The following DAPK2 variants were observed in gnomAD, a reference collection of about 807,000 sequenced individuals.
DAPK2 encodes the protein death associated protein kinase 2, also known as death-associated protein kinase 2.
DAPK2 carries 35 observed loss-of-function variants against 44.1 expected under a neutral mutation model. That is an observed-to-expected ratio of 0.79 (90% CI 0.61 to 1.05). DAPK2 has a LOEUF of 1.05. DAPK2 is among the 50% of genes least tolerant of loss of function. The pLI is 0.00. For synonymous variants in DAPK2, 174 were observed against 182.6 expected, an observed-to-expected ratio of 0.95 and a Z score of 0.38; for missense variants, 453 against 483.2, an observed-to-expected ratio of 0.94 and a Z score of 0.59.
intron 6 of DAPK2, among the ~76,000 whole-genome samples, chr15:63,926,528 C>G (rs529236048): frequency 6.6e-6 from 1 of 152,000 alleles, no homozygotes; most frequent in Non-Finnish European, 1.5e-5. Flanking sequence ...GAGAAGGAGA[C>G]GGAAAGGCCT....
At chr15:63,928,497 G>A (rs2079386970) in intron 6 of DAPK2, 4 of 152,278 alleles carry the variant, frequency 2.6e-5, no homozygotes, top group Admixed American at 2.6e-4. Flanking sequence ...AGGTTGGGAA[G>A]GGCTGATGGA....
intron 3 of DAPK2, among the ~76,000 whole-genome samples, chr15:63,950,885 C>T (rs1182738078): frequency 6.6e-6 from 1 of 152,162 alleles, no homozygotes; most frequent in Non-Finnish European, 1.5e-5. Flanking sequence ...TAGAAAGTTC[C>T]ACACACATTT....
chr15:64,021,638 CA>C (rs2079686362), intron 1 of DAPK2, among the ~76,000 whole-genome samples: 1 of 152,160 alleles, frequency 6.6e-6, no homozygotes, highest in African/African-American at 2.4e-5. Context: ...GCTTGAAATA[CA>C]GAATGAATCC....
intron 2 of DAPK2, among the ~76,000 whole-genome samples, chr15:63,975,609 T>C (rs1255040569): frequency 2.0e-5 from 3 of 151,464 alleles, no homozygotes; most frequent in Non-Finnish European, 4.4e-5. Flanking sequence ...CTTTTCTTTT[T>C]TTTTTTTGAG....
intron 1 of DAPK2, among the ~76,000 whole-genome samples, chr15:63,997,777 T>A (rs1473221893): frequency 6.6e-6 from 1 of 152,170 alleles, no homozygotes; most frequent in African/African-American, 2.4e-5. Flanking sequence ...GGGGCAGAGG[T>A]TAACCAGCAG....
intron 1 of DAPK2, among the ~76,000 whole-genome samples, chr15:64,036,338 C>CATATATATATATGTATATAT (rs2080205413): frequency 2.3e-5 from 1 of 42,960 alleles, no homozygotes; most frequent in East Asian, 1.2e-3. Flanking sequence ...TATATATATA[C>CATATATATATATGTATATAT]ATATATATAT....
rs540761225 is a variant in DAPK2, at chr15:63,923,717, G to C, written c.858+1099C>G. ...GGGCTGAGGAGCATCTCTCCTTCAGGGCTCCTTGGGCCTTCCCCATCCTTC... is the reference window on the plus strand; with the variant it reads ...GGGCTGAGGAGCATCTCTCCTTCAGCGCTCCTTGGGCCTTCCCCATCCTTC... On this transcript the variant is annotated intron_variant, in intron 8 of 10. Transcript: ENST00000261891. This position sits in a 1 kb window ranked among gnomAD's most constrained non-coding sequence, Gnocchi z 4.2. Among the ~76,000 whole-genome samples, 13 of 152,334 alleles carry C rather than the reference G, an allele frequency of 8.5e-5. No homozygotes were observed. The highest frequency in any genetic ancestry group is 2.9e-4 in the African/African-American group (12 of 41,584).
Position 63,939,311 on chromosome 15 carries a change from C to T in DAPK2, c.504G>A (p.Lys168=), listed in dbSNP as rs1478644173. 1.2e-6 allele frequency: 2 copies of T among 1,612,158 alleles called. No individual in the cohort carries two copies. Among genetic ancestry groups the T allele is most frequent in the East Asian group, 4.5e-5 (2 of 44,824 alleles). The change falls in exon 4 of 11, where the codon AAG becomes AAA. Residue 168 remains lysine, a synonymous_variant. Coordinates refer to ENST00000261891, the Ensembl canonical transcript of DAPK2. The surrounding 1 kb of genome is among the most constrained non-coding windows in gnomAD (Gnocchi z 4.3). ...CGTGAGCCAGACCAAAGTCAATCAGCTTGATGTGTGGAATGGGAATATTCT... is the reference window on the plus strand; with the variant it reads ...CGTGAGCCAGACCAAAGTCAATCAGTTTGATGTGTGGAATGGGAATATTCT...
At chr15:64,014,559 C>T (rs1017312176) in intron 1 of DAPK2, among the ~76,000 whole-genome samples, 2 of 152,196 alleles carry the variant, frequency 1.3e-5, no homozygotes, top group African/African-American at 4.8e-5. Flanking sequence ...CATGGTACTG[C>T]AGGGGGGCTT....
At chr15:63,930,648 C>G (rs1407064261) in intron 4 of DAPK2, among the ~76,000 whole-genome samples, 193 bp from the exon 6 acceptor site, 6 of 152,040 alleles carry the variant, frequency 3.9e-5, no homozygotes, top group Non-Finnish European at 8.8e-5. Flanking sequence ...TTTGTGCGTC[C>G]CCAAATTCAT....
intron 3 of DAPK2, among the ~76,000 whole-genome samples, chr15:63,941,512 T>C (rs1374817632): frequency 6.6e-6 from 1 of 152,192 alleles, no homozygotes; most frequent in African/African-American, 2.4e-5. Flanking sequence ...GAACTGATAG[T>C]GAATCTGGAC....
intron 3 of DAPK2, among the ~76,000 whole-genome samples, chr15:63,952,650 TTTTA>T (rs998804747): frequency 5.3e-4 from 80 of 151,146 alleles, no homozygotes; most frequent in African/African-American, 1.7e-3. Context: ...ATCTGTTTTT[TTTTA>T]TTTATTTTTT....
chr15:63,907,672 C>G (rs1032516273), exon 11 of DAPK2: 2 of 152,286 alleles, frequency 1.3e-5, no homozygotes, highest in Non-Finnish European at 2.9e-5. Flanking sequence ...TCCCCTGCCT[C>G]GGACTGCCAA....
chr15:63,979,234 C>A (rs559312815), intron 2 of DAPK2, among the ~76,000 whole-genome samples: 1 of 152,276 alleles, frequency 6.6e-6, no homozygotes, highest in East Asian at 1.9e-4. Flanking sequence ...ATATTCTATA[C>A]CCCATACAGA....
chr15:63,919,933 C>T (rs1185156803), intron 8 of DAPK2: 1 of 152,220 alleles, frequency 6.6e-6, no homozygotes, highest in East Asian at 1.9e-4. Flanking sequence ...CAGCACCAAA[C>T]AAGTATACAA....
intron 3 of DAPK2, among the ~76,000 whole-genome samples, chr15:63,954,835 A>G (rs2077680749): frequency 6.6e-6 from 1 of 151,910 alleles, no homozygotes; most frequent in Admixed American, 6.6e-5. Flanking sequence ...TCTCTCATCA[A>G]TGTTTTATAG....
chr15:63,933,030 T>TC (rs1268705866), intron 4 of DAPK2, among the ~76,000 whole-genome samples: 1 of 151,912 alleles, frequency 6.6e-6, no homozygotes, highest in East Asian at 1.9e-4. Context: ...GCTATGAACT[T>TC]TTTTTTTGCA....
At chr15:64,015,461 C>A (rs1008172270) in intron 1 of DAPK2, among the ~76,000 whole-genome samples, 8 of 152,142 alleles carry the variant, frequency 5.3e-5, no homozygotes, top group African/African-American at 1.9e-4. Context: ...AGTGGATTGA[C>A]CCCCAAAGTT....
At chr15:63,924,243 G>A (rs1445724582) in intron 8 of DAPK2, among the ~76,000 whole-genome samples, 1 of 152,162 alleles carries the variant, frequency 6.6e-6, no homozygotes, top group African/African-American at 2.4e-5. Context: ...AGGCGAGTTA[G>A]GCAGGGATTC....
Sources: gnomAD v4.1 joint callset for allele counts (sites outside exome capture counted in the v4.1 genomes callset) on GRCh38, gnomAD v4.1.1 for gene constraint, Gnocchi (gnomAD v3.1) non-coding constraint, MANE v1.5 for transcripts, NCBI Gene and HGNC (gene_info 2026-07-23, HGNC 2026-07-21) for gene names.